Variants in ZNF600 observed in about 807,000 individuals in gnomAD.
ZNF600 encodes zinc finger protein 600, also known as zinc finger protein KR-ZNF1.
A neutral mutation model predicts 7.3 loss-of-function variants in ZNF600; 4 were observed. The ratio of observed to expected loss-of-function variants is 0.55; its 90% CI spans 0.27 to 1.25. ZNF600 has a LOEUF of 1.25. Among genes scored for constraint, ZNF600 ranks in the 50% most tolerant of loss-of-function variants. The probability of loss-of-function intolerance (pLI) is 0.12; values close to 1 mark genes in which losing one functional copy is unlikely to be tolerated. For missense variants in ZNF600, 911 were observed against 922.1 expected, an observed-to-expected ratio of 0.99 and a Z score of 0.16; for synonymous variants, 290 against 308.9, an observed-to-expected ratio of 0.94 and a Z score of 0.64.
intron 1 of ZNF600, among the ~76,000 whole-genome samples, chr19:52,786,080 G>A (rs185038323): frequency 2.5e-4 from 38 of 152,214 alleles, no homozygotes; most frequent in Middle Eastern, 3.4e-3. Context: ...CTTTGGCCCA[G>A]GCGGGTTTGG....
chr19:52,800,738 G>C, the ZNF600 span: 12 of 1,609,668 alleles, frequency 7.5e-6, no homozygotes, highest in African/African-American at 2.7e-5. Context: ...GGCGTGCAAG[G>C]GTTGACAGTC....
chr19:52,776,789 T>C (rs745342599), intron 2 of ZNF600, among the ~76,000 whole-genome samples: 24 of 152,196 alleles, frequency 1.6e-4, no homozygotes, highest in Non-Finnish European at 3.5e-4. Context: ...TGTTGTGTTT[T>C]CTACATAAAC....
the ZNF600 span, among the ~76,000 whole-genome samples, chr19:52,830,272 CA>C: frequency 6.6e-6 from 1 of 151,986 alleles, no homozygotes; most frequent in Non-Finnish European, 1.5e-5. Flanking sequence ...AACTCCATCT[CA>C]AAAAACAAAC....
chr19:52,804,953 A>G, the ZNF600 span, among the ~76,000 whole-genome samples: 1 of 152,202 alleles, frequency 6.6e-6, no homozygotes, highest in South Asian at 2.1e-4. Context: ...GAAGCCATCT[A>G]ATAGCACTAA....
the ZNF600 span, among the ~76,000 whole-genome samples, chr19:52,826,084 A>G: frequency 0.17 from 25,878 of 152,066 alleles, 2,477 homozygotes; most frequent in African/African-American, 0.26. Flanking sequence ...CCATTGAGCC[A>G]AGGGAACTGG....
the ZNF600 span, among the ~76,000 whole-genome samples, chr19:52,822,428 A>G: frequency 1.3e-5 from 2 of 152,168 alleles, no homozygotes; most frequent in Admixed American, 1.3e-4. Flanking sequence ...CTGAAAACTA[A>G]AAAATCTTCC....
chr19:52,778,891 G>A (rs1417910084), exon 2 of ZNF600: 12 of 1,602,054 alleles, frequency 7.5e-6, no homozygotes, highest in African/African-American at 4.0e-5. Flanking sequence ...CATAACATGA[G>A]TCTTTAGGAA....
At chr19:52,798,447 C>T in the ZNF600 span, 1 of 436,876 alleles carries the variant, frequency 2.3e-6, no homozygotes, top group South Asian at 1.8e-5. Flanking sequence ...ACAACTGTCT[C>T]CAAAAGGAAT....
At chr19:52,791,798 C>A (rs1168347880), upstream of ZNF600, among the ~76,000 whole-genome samples, 5 of 152,206 alleles carry the variant, frequency 3.3e-5, no homozygotes, top group Admixed American at 6.5e-5. Flanking sequence ...GGAGCCTCCC[C>A]CACGAGGCAG....
At chr19:52,808,063 T>C in the ZNF600 span, 1 of 1,613,576 alleles carries the variant, frequency 6.2e-7, no homozygotes, top group South Asian at 1.1e-5. Context: ...AAGAGTCCTC[T>C]GAGCAGGGTC....
At chr19:52,827,531 A>C in the ZNF600 span, among the ~76,000 whole-genome samples, 1 of 151,728 alleles carries the variant, frequency 6.6e-6, no homozygotes, top group Non-Finnish European at 1.5e-5. Flanking sequence ...GACCATGCCC[A>C]GTGCAGCCTC....
At chr19:52,799,436 G>A in the ZNF600 span, 3 of 752,944 alleles carry the variant, frequency 4.0e-6, no homozygotes, top group Non-Finnish European at 6.7e-6. Context: ...CTTCCTATTT[G>A]TAAAGTTTCT....
the ZNF600 span, among the ~76,000 whole-genome samples, chr19:52,830,224 G>T: frequency 6.6e-6 from 1 of 152,096 alleles, no homozygotes; most frequent in Non-Finnish European, 1.5e-5. Flanking sequence ...GTGAGCTGAG[G>T]TTGCACCACT....
At chr19:52,816,340 G>A in the ZNF600 span, among the ~76,000 whole-genome samples, 2 of 146,588 alleles carry the variant, frequency 1.4e-5, no homozygotes, top group Non-Finnish European at 1.5e-5. Flanking sequence ...CCAACATGGT[G>A]AAACCCTGTT....
intron 3 of ZNF600, among the ~76,000 whole-genome samples, chr19:52,771,294 C>G (rs2062628298): frequency 2.0e-5 from 3 of 152,124 alleles, no homozygotes; most frequent in African/African-American, 7.2e-5. Context: ...TCCCATTTTC[C>G]AGATTCATGA....
chr19:52,769,104 T>C (rs1256656025), intron 3 of ZNF600, among the ~76,000 whole-genome samples: 1 of 152,030 alleles, frequency 6.6e-6, no homozygotes, highest in Non-Finnish European at 1.5e-5. Context: ...AAGCGGACCA[T>C]GGTCTAGTGG....
chr19:52,778,766 A>G, intron 2 of ZNF600, 60 bp downstream of exon 4: 1 of 1,558,776 alleles, frequency 6.4e-7, no homozygotes, highest in South Asian at 1.2e-5. Flanking sequence ...TGGCTGCTAC[A>G]ATACCTGGCA....
chr19:52,790,172 G>T (rs377608777), upstream of ZNF600, among the ~76,000 whole-genome samples: 23 of 152,310 alleles, frequency 1.5e-4, no homozygotes, highest in Non-Finnish European at 2.8e-4. Context: ...GGGCGTATAC[G>T]TGCAAGTCAC....
At chr19:52,812,706 A>G in the ZNF600 span, among the ~76,000 whole-genome samples, 9 of 124,986 alleles carry the variant, frequency 7.2e-5, no homozygotes, top group Admixed American at 1.8e-4. Flanking sequence ...TCCCTCCACT[A>G]TTGTCCTATG....
Sources: gnomAD v4.1 joint callset for allele counts (sites outside exome capture counted in the v4.1 genomes callset) on GRCh38, gnomAD v4.1.1 for gene constraint, MANE v1.5 for transcripts, NCBI Gene and HGNC (gene_info 2026-07-23, HGNC 2026-07-21) for gene names.